TMEM232: variants seen among roughly 807,000 people sequenced by gnomAD.
The protein encoded by TMEM232 is transmembrane protein 232.
TMEM232 carries 80 observed loss-of-function variants against 78.8 expected under a neutral mutation model. That is an observed-to-expected ratio of 1.01 (90% CI 0.85 to 1.22). The LOEUF is 1.22. Ranked by LOEUF, TMEM232 falls within the 50% of genes most tolerant of loss-of-function variation. The pLI is 0.00. For missense variants in TMEM232, 881 were observed against 742.2 expected, an observed-to-expected ratio of 1.19 and a Z score of -2.17; for synonymous variants, 297 against 254.3, an observed-to-expected ratio of 1.17 and a Z score of -1.60.
chr5:110,392,283 A>G lies in TMEM232; in HGVS notation n.391-1643T>C, dbSNP rs116246821. ...AAGAGTGAATAAATAGACCTGAGTC[A>G]AAACCTTGGTAAAAGGAGCCAATGA... On this transcript the variant is annotated intron_variant and non_coding_transcript_variant, in intron 3 of 8. Transcript: ENST00000507188. 9.4e-3 allele frequency among the ~76,000 whole-genome samples: 1,428 copies of G among 152,330 alleles called. 25 individuals carry two copies. Among genetic ancestry groups the G allele is most frequent in the African/African-American group, 0.033 (1,368 of 41,578 alleles).
chr5:110,485,229 T>A (rs952853732), intron 12 of TMEM232, among the ~76,000 whole-genome samples: 1 of 152,144 alleles, frequency 6.6e-6, no homozygotes, highest in Non-Finnish European at 1.5e-5. Flanking sequence ...AACAGAAGAC[T>A]TGAAAAATAC....
chr5:110,606,305 G>A lies in TMEM232; in HGVS notation c.903-18C>T, dbSNP rs574438917. The A allele has an allele frequency of 4.1e-5, 62 of 1,506,892 alleles. No homozygotes were observed. The South Asian group carries it at 7.0e-4, about 17-fold the overall frequency. The allele number at this position is 1,506,892 out of a possible 1,614,324, so 93.3% of individuals were successfully genotyped here. ...AATCCAACCTGAAAATTTTATGGAC[G>A]AAAGGATAAAGATTTTAATGGAAAA... On this transcript the variant is annotated intron_variant, in intron 8 of 13. Transcript: ENST00000455884.
chr5:110,566,751 A>G (rs201973759), intron 11 of TMEM232, among the ~76,000 whole-genome samples: 1 of 151,742 alleles, frequency 6.6e-6, no homozygotes, highest in East Asian at 1.9e-4. Flanking sequence ...TACTGTTCCA[A>G]CTTCTGCCTG....
intron 1 of TMEM232, among the ~76,000 whole-genome samples, chr5:110,722,244 T>C (rs1349041095): frequency 1.3e-5 from 2 of 152,230 alleles, no homozygotes; most frequent in Non-Finnish European, 2.9e-5. Context: ...CTAATTTGTA[T>C]AACAAATCAC....
Position 110,623,323 on chromosome 5 carries a change from G to A in TMEM232, c.768+1944C>T, listed in dbSNP as rs542650242. The stretch of plus-strand genomic sequence containing the variant: ...CTTTGACAACAAATTAAGTAATTAT[G>A]CCTTTATTTCAATGCATATAGGAAC... On this transcript the variant is annotated intron_variant, in intron 7 of 13. Coordinates refer to ENST00000455884, the MANE Select transcript of TMEM232 (RefSeq NM_001039763.4). Among the ~76,000 whole-genome samples the A allele has an allele frequency of 1.4e-4, 22 of 152,210 alleles. No homozygotes were observed. In the South Asian group the frequency reaches 4.3e-3, roughly 30 times the overall value.
intron 8 of TMEM232, among the ~76,000 whole-genome samples, chr5:110,616,514 T>A (rs1782944383): frequency 6.6e-6 from 1 of 152,048 alleles, no homozygotes; most frequent in Admixed American, 6.6e-5. Flanking sequence ...CATACATTTT[T>A]AACCCATATA....
chr5:110,394,304 T>C (rs1278434707), intron 3 of TMEM232, among the ~76,000 whole-genome samples: 1 of 152,234 alleles, frequency 6.6e-6, no homozygotes, highest in Non-Finnish European at 1.5e-5. Context: ...TATGTCTACA[T>C]GGTACTCCAT....
At chr5:110,389,552 A>C (rs1246979622) in intron 4 of TMEM232, among the ~76,000 whole-genome samples, 1 of 152,244 alleles carries the variant, frequency 6.6e-6, no homozygotes, top group Admixed American at 6.5e-5. Flanking sequence ...TGTTGAAATC[A>C]AAGTAAAGTT....
At chr5:110,686,833 T>C (rs1344571712) in intron 1 of TMEM232, among the ~76,000 whole-genome samples, 3 of 152,154 alleles carry the variant, frequency 2.0e-5, no homozygotes, top group Non-Finnish European at 1.5e-5. Context: ...TAGGGTGTAT[T>C]GGGCAGCTTC....
chr5:110,493,780 A>C (rs1463715630), intron 12 of TMEM232, among the ~76,000 whole-genome samples: 1 of 150,068 alleles, frequency 6.7e-6, no homozygotes, highest in Non-Finnish European at 1.5e-5. Context: ...ATTGTGCCAA[A>C]TATCTTTTTT....
At chr5:110,520,696 G>A (rs1769373890) in intron 12 of TMEM232, among the ~76,000 whole-genome samples, 1 of 152,144 alleles carries the variant, frequency 6.6e-6, no homozygotes, top group Non-Finnish European at 1.5e-5. Flanking sequence ...GAGGCGGGTG[G>A]ATCACCTGAG....
chr5:110,496,314 G>C (rs1580933205), intron 12 of TMEM232, among the ~76,000 whole-genome samples: 1 of 151,970 alleles, frequency 6.6e-6, no homozygotes. Context: ...TTCATATCAA[G>C]CTCCTTGCAT....
chr5:110,626,538 C>T (rs1251230205), intron 6 of TMEM232, among the ~76,000 whole-genome samples: 2 of 152,114 alleles, frequency 1.3e-5, no homozygotes, highest in East Asian at 3.9e-4. Flanking sequence ...TCTTGAGCCT[C>T]TCCTTCCCTT....
intron 1 of TMEM232, among the ~76,000 whole-genome samples, chr5:110,736,628 C>T (rs1025063653): frequency 1.3e-5 from 2 of 151,982 alleles, no homozygotes; most frequent in South Asian, 2.1e-4. Flanking sequence ...CACTATCACT[C>T]GAGATGAAAT....
chr5:110,622,975 T>C (rs1783958136), intron 7 of TMEM232, among the ~76,000 whole-genome samples: 1 of 148,784 alleles, frequency 6.7e-6, no homozygotes, highest in Non-Finnish European at 1.5e-5. Context: ...ACATGTACCC[T>C]AAAACTTAAA....
chr5:110,590,125 T>A (rs1168581296), intron 10 of TMEM232, among the ~76,000 whole-genome samples: 2 of 152,072 alleles, frequency 1.3e-5, no homozygotes, highest in African/African-American at 4.8e-5. Flanking sequence ...ATATAAAAAA[T>A]TTTCTATTCA....
intron 1 of TMEM232, among the ~76,000 whole-genome samples, chr5:110,712,762 T>G (rs1796623022): frequency 6.6e-6 from 1 of 152,066 alleles, no homozygotes; most frequent in South Asian, 2.1e-4. Context: ...CAATAACAAA[T>G]GCTGGAGAGA....
intron 11 of TMEM232, among the ~76,000 whole-genome samples, chr5:110,533,405 A>G (rs187188464): frequency 1.2e-3 from 188 of 152,256 alleles, no homozygotes; most frequent in African/African-American, 4.2e-3. Context: ...ATTCCTACAC[A>G]AGAGCCAGGA....
intron 12 of TMEM232, among the ~76,000 whole-genome samples, chr5:110,454,450 T>C (rs149697884): frequency 0.015 from 2,352 of 151,910 alleles, 61 homozygotes; most frequent in East Asian, 0.066. Context: ...CACCTGTGAA[T>C]AGCCACTGCA....
Sources: gnomAD v4.1 joint callset for allele counts (sites outside exome capture counted in the v4.1 genomes callset) on GRCh38, gnomAD v4.1.1 for gene constraint, MANE v1.5 for transcripts, NCBI Gene and HGNC (gene_info 2026-07-23, HGNC 2026-07-21) for gene names.